ADGRL3: variants seen among roughly 807,000 people sequenced by gnomAD.
The protein encoded by ADGRL3 is calcium-independent alpha-latrotoxin receptor 3.
A neutral mutation model predicts 153.5 loss-of-function variants in ADGRL3; 62 were observed. The observed-to-expected ratio is 0.40, with a 90% CI of 0.33 to 0.50. ADGRL3 has a LOEUF of 0.50. Among genes scored for constraint, ADGRL3 ranks in the 20% least tolerant of loss-of-function variants. The pLI, the probability that ADGRL3 is intolerant of heterozygous loss-of-function variation, is 0.47. For synonymous variants in ADGRL3, 710 were observed against 672.5 expected (o/e 1.06, Z -0.86); for missense variants, 1,641 against 1,859.4 (o/e 0.88, Z 2.16).
chr4:61,686,840 C>T (rs1318395191), intron 6 of ADGRL3, among the ~76,000 whole-genome samples: 1 of 152,034 alleles, frequency 6.6e-6, no homozygotes, highest in East Asian at 1.9e-4. Context: ...CACTGTTCTA[C>T]TCTTACCTCT....
chr4:61,555,317 G>C (rs1176328752), intron 4 of ADGRL3, among the ~76,000 whole-genome samples: 1 of 152,086 alleles, frequency 6.6e-6, no homozygotes, highest in Non-Finnish European at 1.5e-5. Context: ...AATTTGTATA[G>C]ACCTATTTTA....
chr4:61,508,866 C>T (rs1158425147), intron 3 of ADGRL3, among the ~76,000 whole-genome samples: 1 of 152,070 alleles, frequency 6.6e-6, no homozygotes, highest in Non-Finnish European at 1.5e-5. Context: ...CTCAGGAGGC[C>T]TCAGAATCAT....
intron 5 of ADGRL3, among the ~76,000 whole-genome samples, chr4:61,603,080 G>T (rs775671255): frequency 6.6e-6 from 1 of 152,002 alleles, no homozygotes; most frequent in Non-Finnish European, 1.5e-5. Flanking sequence ...TTACAGAAGG[G>T]GGTTTATCCT....
chr4:61,797,190 T>C (rs2097425329), intron 8 of ADGRL3, among the ~76,000 whole-genome samples: 1 of 152,226 alleles, frequency 6.6e-6, no homozygotes, highest in Non-Finnish European at 1.5e-5. Flanking sequence ...ACAGAGAATT[T>C]AAGCAAGGTA....
chr4:61,264,273 T>C (rs371163470), intron 1 of ADGRL3, among the ~76,000 whole-genome samples: 1 of 152,014 alleles, frequency 6.6e-6, no homozygotes, highest in East Asian at 1.9e-4. Flanking sequence ...GGGGACTGAA[T>C]TGAAATTGTG....
At chr4:61,388,833 T>C (rs1373760611) in intron 2 of ADGRL3, among the ~76,000 whole-genome samples, 1 of 152,180 alleles carries the variant, frequency 6.6e-6, no homozygotes, top group African/African-American at 2.4e-5. Flanking sequence ...TGTGGCTTGT[T>C]TCCTAGACTT....
chr4:61,587,160 A>G lies in ADGRL3; in HGVS notation c.260-67A>G, dbSNP rs549602256. 2,447 of 1,021,584 alleles carry G rather than the reference A, an allele frequency of 2.4e-3. 5 individuals carry two copies. The highest frequency in any genetic ancestry group is 3.2e-3 in the Non-Finnish European group (2,221 of 688,448). The allele number at this position is 1,021,584 out of a possible 1,614,324, so 63.3% of individuals were successfully genotyped here. On this transcript the variant is annotated intron_variant, in intron 4 of 26. Transcript: ENST00000683033. ...ATTTACCCCAAACATTGGAAAAGCG[A>G]ACACATGTAATTTTCCTTTGTATGT...
chr4:61,637,499 T>C (rs1403358669), intron 5 of ADGRL3, among the ~76,000 whole-genome samples: 3 of 152,088 alleles, frequency 2.0e-5, no homozygotes, highest in African/African-American at 7.2e-5. Flanking sequence ...CGTGGTGACT[T>C]ACACCTGTAA....
intron 19 of ADGRL3, among the ~76,000 whole-genome samples, chr4:61,991,290 G>A (rs2099102800): frequency 6.6e-6 from 1 of 151,694 alleles, no homozygotes; most frequent in Non-Finnish European, 1.5e-5. Context: ...TACGTGTGAA[G>A]GTTTGTTATA....
chr4:61,561,127 A>G (rs1390391905), intron 4 of ADGRL3, among the ~76,000 whole-genome samples: 1 of 152,174 alleles, frequency 6.6e-6, no homozygotes, highest in Non-Finnish European at 1.5e-5. Flanking sequence ...TTCAGAGAAA[A>G]TTAATTCTGC....
chr4:61,433,979 C>G (rs949715561), intron 2 of ADGRL3, among the ~76,000 whole-genome samples: 7 of 152,130 alleles, frequency 4.6e-5, no homozygotes, highest in Non-Finnish European at 1.0e-4. Context: ...TAATCGAACC[C>G]TTCCAAAATA....
intron 21 of ADGRL3, among the ~76,000 whole-genome samples, chr4:62,021,674 G>A (rs1434510888): frequency 6.6e-6 from 1 of 151,876 alleles, no homozygotes; most frequent in Non-Finnish European, 1.5e-5. Flanking sequence ...GTCACATTTT[G>A]GTAATTCTCA....
intron 4 of ADGRL3, among the ~76,000 whole-genome samples, chr4:61,541,638 G>A (rs145474621): frequency 1.2e-3 from 176 of 152,226 alleles, no homozygotes; most frequent in African/African-American, 3.9e-3. Context: ...GCTCTATTCA[G>A]CTTGGTTACC....
chr4:61,222,981 G>A (rs751260232), intron 1 of ADGRL3, among the ~76,000 whole-genome samples: 2 of 152,090 alleles, frequency 1.3e-5, no homozygotes, highest in Non-Finnish European at 2.9e-5. Context: ...GTAATTACCA[G>A]AGTTAACTGT....
chr4:61,606,240 G>A (rs904871494), intron 5 of ADGRL3, among the ~76,000 whole-genome samples: 1 of 152,210 alleles, frequency 6.6e-6, no homozygotes, highest in African/African-American at 2.4e-5. Flanking sequence ...AACATTTGAA[G>A]TTAAAGTGTA....
At chr4:61,867,312 A>G (rs1008575308) in intron 9 of ADGRL3, among the ~76,000 whole-genome samples, 2 of 151,528 alleles carry the variant, frequency 1.3e-5, no homozygotes, top group Non-Finnish European at 2.9e-5. Context: ...TAGCCTGAGC[A>G]ACATGGGGAA....
At chr4:62,060,565 C>CTT (rs1019467035) in intron 25 of ADGRL3, among the ~76,000 whole-genome samples, 1 of 151,650 alleles carries the variant, frequency 6.6e-6, no homozygotes, top group Admixed American at 6.6e-5. Flanking sequence ...ACTAATTTTA[C>CTT]TTTTTTACTT....
chr4:61,726,210 G>GTTTTTTTTTTTTTCTTTTTTTTTT, intron 6 of ADGRL3, among the ~76,000 whole-genome samples: 1 of 118,480 alleles, frequency 8.4e-6, no homozygotes, highest in East Asian at 2.6e-4. Context: ...TTTTTTTTTT[G>GTTTTTTTTTTTTTCTTTTTTTTTT]TTTTTTGAGA....
chr4:61,401,728 C>G (rs1223043236), intron 2 of ADGRL3, among the ~76,000 whole-genome samples: 1 of 151,980 alleles, frequency 6.6e-6, no homozygotes, highest in Non-Finnish European at 1.5e-5. Flanking sequence ...GCTAGTAAGA[C>G]TAATACTTCT....
Sources: allele counts gnomAD v4.1 joint callset (sites outside exome capture counted in the v4.1 genomes callset), GRCh38; gene constraint gnomAD v4.1.1; transcripts MANE v1.5; gene names NCBI Gene and HGNC (gene_info 2026-07-23, HGNC 2026-07-21).